The following PSD3 variants were observed in gnomAD, a reference collection of about 807,000 sequenced individuals.
The protein encoded by PSD3 is PH and SEC7 domain-containing protein 3.
Under a neutral mutation model 105.5 loss-of-function variants are expected in PSD3, and 49 were observed. The ratio of observed to expected loss-of-function variants is 0.46; its 90% CI spans 0.37 to 0.59. The LOEUF (loss-of-function observed/expected upper bound fraction) is 0.59. Ranked by LOEUF, PSD3 falls within the 20% of genes least tolerant of loss-of-function variation. The pLI is 0.00. For missense variants in PSD3, 1,561 were observed against 1,263.8 expected, an observed-to-expected ratio of 1.24 and a Z score of -3.57; for synonymous variants, 557 against 457.8, an observed-to-expected ratio of 1.22 and a Z score of -2.77.
intron 1 of PSD3, among the ~76,000 whole-genome samples, chr8:19,007,976 G>A (rs1356729057): frequency 1.3e-5 from 2 of 152,140 alleles, no homozygotes; most frequent in Non-Finnish European, 2.9e-5. Context: ...CCAAGTAGCT[G>A]GGATTACAGG....
chr8:18,587,958 C>A (rs1488923), intron 12 of PSD3, among the ~76,000 whole-genome samples: 122,514 of 152,084 alleles, frequency 0.81, 49,831 homozygotes, highest in South Asian at 0.92. Flanking sequence ...ACCAGGGGGA[C>A]GGATTAACCA....
chr8:18,538,923 GA>G lies in PSD3; in HGVS notation c.2929-2966del, dbSNP rs774369206. Among the ~76,000 whole-genome samples, 9 of 152,136 alleles carry G rather than the reference GA, an allele frequency of 5.9e-5. No individual in the cohort carries two copies. In the East Asian group the frequency reaches 9.6e-4, roughly 16 times the overall value. ...AGACAAAGCAGAAAAAAGGGGGTGA[GA>G]GGGGCCAGAAAACAAAGCCTGCCCT... On this transcript the variant is annotated intron_variant, in intron 15 of 15. Transcript: ENST00000327040.
intron 9 of PSD3, among the ~76,000 whole-genome samples, chr8:18,708,912 G>A (rs751577774): frequency 2.6e-5 from 4 of 152,166 alleles, no homozygotes; most frequent in Non-Finnish European, 4.4e-5. Flanking sequence ...GTCAAGGGAG[G>A]TGGAGAGTGA....
At chr8:18,777,969 G>A (rs1311471268) in intron 8 of PSD3, among the ~76,000 whole-genome samples, 6 of 152,082 alleles carry the variant, frequency 3.9e-5, no homozygotes, top group South Asian at 2.1e-4. Flanking sequence ...TACCGTAAAT[G>A]CCAAGATTTC....
In PSD3 at chr8:18,818,835, C is replaced by A. The variant is rs370437235; in HGVS notation, c.1635-13937G>T. Among the ~76,000 whole-genome samples the A allele has an allele frequency of 8.3e-4, 127 of 152,156 alleles. 2 individuals carry two copies. In the South Asian group the frequency reaches 0.026, roughly 31 times the overall value. ...ATTAGTGACAGTCAGAACCTCCTAA[C>A]AGATTGTTAGAGTAAATTTAAATAG... On this transcript the variant is annotated intron_variant, in intron 4 of 15. Transcript: ENST00000327040.
chr8:18,822,601 T>C (rs564787032), intron 4 of PSD3, among the ~76,000 whole-genome samples: 2 of 152,310 alleles, frequency 1.3e-5, no homozygotes, highest in East Asian at 3.9e-4. Context: ...CTAGCGACAG[T>C]CTCTGCCTCC....
rs111816566 is a variant in PSD3 at position 18,763,671 on chromosome 8, C to A, written c.2172+1778G>T. ...AGAAAGGGAGGAAAGGGAAGGAAAA[C>A]CGAACAGCACACAGAATAGAGGAAT... On this transcript the variant is annotated intron_variant, in intron 9 of 15. Transcript: ENST00000327040. Among the ~76,000 whole-genome samples, 389 of 152,120 alleles carry A rather than the reference C, an allele frequency of 2.6e-3. 2 individuals are homozygous for A. Among genetic ancestry groups the A allele is most frequent in the Non-Finnish European group, 4.6e-3 (311 of 67,982 alleles).
intron 4 of PSD3, among the ~76,000 whole-genome samples, chr8:18,856,826 A>T (rs961326950): frequency 1.2e-4 from 18 of 152,252 alleles, no homozygotes; most frequent in African/African-American, 4.1e-4. Flanking sequence ...GAGGTTTTAA[A>T]GACATTTCAA....
At chr8:18,544,590 T>G (rs1240802524) in intron 15 of PSD3, among the ~76,000 whole-genome samples, 1 of 152,168 alleles carries the variant, frequency 6.6e-6, no homozygotes, top group East Asian at 1.9e-4. Flanking sequence ...TTCTTTTGAT[T>G]CATTCTCCCT....
intron 9 of PSD3, among the ~76,000 whole-genome samples, chr8:18,690,202 T>C (rs1046897158): frequency 2.6e-5 from 4 of 152,078 alleles, no homozygotes; most frequent in African/African-American, 7.2e-5. Context: ...ACTGTACCAA[T>C]AGCGTAGGAA....
intron 15 of PSD3, among the ~76,000 whole-genome samples, chr8:18,546,491 G>C (rs1041788509): frequency 1.3e-5 from 2 of 152,162 alleles, no homozygotes; most frequent in Non-Finnish European, 2.9e-5. Flanking sequence ...ACTGGATTGA[G>C]CTATGCTGCA....
At chr8:19,035,530 A>C (rs1827912027) in intron 1 of PSD3, among the ~76,000 whole-genome samples, 1 of 152,054 alleles carries the variant, frequency 6.6e-6, no homozygotes, top group Non-Finnish European at 1.5e-5. Context: ...AAAACAACAA[A>C]ATTGTCTAGT....
intron 7 of PSD3, 116 bp downstream of exon 7, chr8:18,801,154 A>T (rs1416768270): frequency 3.3e-6 from 2 of 606,296 alleles, no homozygotes; most frequent in East Asian, 5.7e-5. Flanking sequence ...AGAAGTGTTA[A>T]TAGTTATCAC....
intron 1 of PSD3, among the ~76,000 whole-genome samples, chr8:18,955,170 C>T (rs1419895587): frequency 6.6e-6 from 1 of 152,108 alleles, no homozygotes; most frequent in African/African-American, 2.4e-5. Context: ...AAGAAGATTC[C>T]CCCGGCATCT....
Position 19,044,147 on chromosome 8 carries a change from C to T in PSD3, c.324+40059G>A, listed in dbSNP as rs569013281. Among the ~76,000 whole-genome samples, 7 of 152,334 alleles carry T rather than the reference C, an allele frequency of 4.6e-5. No homozygotes were observed. In the South Asian group the frequency reaches 6.2e-4, roughly 14 times the overall value. On this transcript the variant is annotated intron_variant, in intron 1 of 1. Transcript: ENST00000521475. ...TGATGAGCTCTACGAATCTGCTTTT[C>T]GTTTTCAGGACCTTTCCATTTGGCT...
intron 10 of PSD3, among the ~76,000 whole-genome samples, chr8:18,635,860 A>G (rs1431877195): frequency 6.6e-6 from 1 of 151,350 alleles, no homozygotes; most frequent in South Asian, 2.1e-4. Flanking sequence ...CAAGGAGGGG[A>G]ACATCATACA....
intron 8 of PSD3, among the ~76,000 whole-genome samples, chr8:18,791,640 A>T (rs12544173): frequency 0.022 from 3,334 of 152,308 alleles, 157 homozygotes; most frequent in East Asian, 0.14. Flanking sequence ...CAGAAAACAT[A>T]GGCAATACCA....
chr8:18,851,436 T>C (rs1563344772), intron 4 of PSD3, among the ~76,000 whole-genome samples: 2 of 152,240 alleles, frequency 1.3e-5, no homozygotes, highest in Non-Finnish European at 2.9e-5. Context: ...AAATCCCAGC[T>C]GGAACCCAAA....
chr8:18,565,631 A>G (rs1270751059), intron 14 of PSD3, among the ~76,000 whole-genome samples: 1 of 152,190 alleles, frequency 6.6e-6, no homozygotes, highest in Non-Finnish European at 1.5e-5. Flanking sequence ...TTCTTTATCA[A>G]TGTTTCCAGC....
Sources: gnomAD v4.1 joint callset for allele counts (sites outside exome capture counted in the v4.1 genomes callset) on GRCh38, gnomAD v4.1.1 for gene constraint, MANE v1.5 for transcripts, NCBI Gene and HGNC (gene_info 2026-07-23, HGNC 2026-07-21) for gene names.